ATP9A: variants seen among roughly 807,000 people sequenced by gnomAD.
ATP9A encodes the protein probable phospholipid-transporting ATPase IIA.
In ATP9A, 52 loss-of-function variants were observed where a neutral mutation model predicts 144.1. That is an observed-to-expected ratio of 0.36 (90% CI 0.29 to 0.45). The LOEUF is 0.45. Among genes scored for constraint, ATP9A ranks in the 20% least tolerant of loss-of-function variants. ATP9A has a pLI of 1.00. For synonymous variants in ATP9A, 582 were observed against 557.4 expected (o/e 1.04, Z -0.62); for missense variants, 947 against 1,392.7 (o/e 0.68, Z 5.09).
chr20:51,728,669 G>T (rs1186623225), intron 2 of ATP9A, among the ~76,000 whole-genome samples: 1 of 151,880 alleles, frequency 6.6e-6, no homozygotes, highest in Admixed American at 6.6e-5. Flanking sequence ...GGGAGGCTGA[G>T]AGAGGAGCAT....
At chr20:51,721,841 C>T (rs984725780) in intron 3 of ATP9A, among the ~76,000 whole-genome samples, 21 of 150,566 alleles carry the variant, frequency 1.4e-4, no homozygotes, top group South Asian at 4.3e-4. Flanking sequence ...AAAAACAATT[C>T]TAAAATTCAT....
chr20:51,735,978 T>C (rs972690194), intron 1 of ATP9A, among the ~76,000 whole-genome samples: 1 of 152,104 alleles, frequency 6.6e-6, no homozygotes, highest in Non-Finnish European at 1.5e-5. Flanking sequence ...AGTAAACAAC[T>C]TCCAAAGAAA....
rs114275861 is a variant in ATP9A, at chr20:51,753,712, G to C, written c.68+14590C>G. Among the ~76,000 whole-genome samples the C allele has an allele frequency of 3.6e-3, 533 of 147,602 alleles. 4 individuals carry two copies. The highest frequency in any genetic ancestry group is 0.012 in the African/African-American group (463 of 39,996). ...GACTGAGCCTCGCTCTGTCACCCAG[G>C]CTAGAGAGCAGTGGCACGATCTCGA... On this transcript the variant is annotated intron_variant, in intron 1 of 27. Coordinates refer to ENST00000338821, the MANE Select transcript of ATP9A (RefSeq NM_006045.3).
At chr20:51,717,116 G>A (rs1453905067) in intron 3 of ATP9A, among the ~76,000 whole-genome samples, 2 of 146,856 alleles carry the variant, frequency 1.4e-5, no homozygotes, top group African/African-American at 5.1e-5. Flanking sequence ...AAGTTACAGT[G>A]AGCTGAGATC....
At chr20:51,613,931 A>G in intron 22 of ATP9A, 99 bp from the exon 23 acceptor site, 1 of 1,236,068 alleles carries the variant, frequency 8.1e-7, no homozygotes, top group Non-Finnish European at 1.1e-6. Context: ...GAAATCTTTG[A>G]AGAACTTCAA....
intron 14 of ATP9A, among the ~76,000 whole-genome samples, chr20:51,655,696 C>T (rs774993680): frequency 2.1e-4 from 32 of 151,760 alleles, no homozygotes; most frequent in Non-Finnish European, 3.2e-4. Context: ...CGTAAAATAG[C>T]GCAGCCACTT....
intron 19 of ATP9A, among the ~76,000 whole-genome samples, chr20:51,621,451 T>C (rs1001625189): frequency 3.3e-5 from 5 of 152,108 alleles, no homozygotes; most frequent in Non-Finnish European, 5.9e-5. Context: ...GGGATTACTA[T>C]ATCCTGCCCC....
At position 51,608,546 on chromosome 20, in the gene ATP9A, T is replaced by C. The variant is rs1445057868; in HGVS notation, c.2717A>G (p.Tyr906Cys). 1.2e-6 allele frequency: 2 copies of C among 1,610,886 alleles called. No individual in the cohort carries two copies. The highest frequency in any genetic ancestry group is 1.7e-6 in the Non-Finnish European group (2 of 1,177,158). Residue 906 changes from tyrosine (Y) to cysteine (C), a missense_variant, in exon 25 of 28, where the codon TAT (tyrosine) becomes TGT (cysteine). Physicochemically the swap from Tyr to Cys is radical, Grantham distance 194. Coordinates refer to ENST00000338821, the MANE Select transcript of ATP9A (RefSeq NM_006045.3). ...GAGAAGATCCTTGTAGAGCTCAGGA[T>C]ACAGCATGGCAACTTCCGATTTGAC... is the stretch of plus-strand genomic sequence containing the variant. The part of the protein sequence containing the change: ...KDVKSEVAML[Y>C]PELYKDLLKG...
In ATP9A at chr20:51,624,838, T is replaced by C. The variant is rs1377030947; in HGVS notation, c.2016+354A>G. On this transcript the variant is annotated intron_variant, in intron 18 of 27. Transcript: ENST00000338821. ...CTGGCCAACATGGTGAAACCCTCTATCTACAAAAATATAAAAATTAGCCAG... is the reference window on the plus strand; with the variant it reads ...CTGGCCAACATGGTGAAACCCTCTACCTACAAAAATATAAAAATTAGCCAG... Among the ~76,000 whole-genome samples, 4 of 151,856 alleles carry C rather than the reference T, an allele frequency of 2.6e-5. No individual in the cohort carries two copies. The East Asian group carries it at 7.7e-4, about 29-fold the overall frequency.
intron 14 of ATP9A, among the ~76,000 whole-genome samples, chr20:51,651,135 G>C (rs2077362554): frequency 2.0e-5 from 2 of 98,152 alleles, no homozygotes; most frequent in Admixed American, 1.2e-4. Flanking sequence ...TTCTGTACTG[G>C]TCCTCTCTCT....
chr20:51,759,558 A>T (rs1250450313), intron 1 of ATP9A, among the ~76,000 whole-genome samples: 1 of 152,034 alleles, frequency 6.6e-6, no homozygotes, highest in Non-Finnish European at 1.5e-5. Flanking sequence ...CTGTAATCCC[A>T]TGTACTCAGG....
chr20:51,767,534 C>G (rs2077910554), intron 1 of ATP9A, among the ~76,000 whole-genome samples: 1 of 152,208 alleles, frequency 6.6e-6, no homozygotes, highest in Non-Finnish European at 1.5e-5. Flanking sequence ...CCCGTCCCCT[C>G]TTCCCAAATG....
intron 15 of ATP9A, 64 bp downstream of exon 15, chr20:51,639,279 C>G (rs1294645815): frequency 1.4e-5 from 21 of 1,498,004 alleles, no homozygotes; most frequent in Non-Finnish European, 1.8e-5. Context: ...TGTCAACCCA[C>G]AGGGACACAC....
intron 3 of ATP9A, among the ~76,000 whole-genome samples, chr20:51,716,568 G>A (rs1471374918): frequency 6.6e-6 from 1 of 151,850 alleles, no homozygotes; most frequent in East Asian, 1.9e-4. Flanking sequence ...CAGGAGGATT[G>A]TCTGAGCCCA....
At chr20:51,720,466 C>A (rs1286267147) in intron 3 of ATP9A, among the ~76,000 whole-genome samples, 1 of 152,176 alleles carries the variant, frequency 6.6e-6, no homozygotes, top group African/African-American at 2.4e-5. Flanking sequence ...GAGTAGCCGA[C>A]AGGAGCTTCT....
Position 51,618,869 on chromosome 20 carries a change from G to A in ATP9A, c.2206-63C>T, listed in dbSNP as rs569808843. The stretch of plus-strand genomic sequence containing the variant: ...GAGAGGTGGTGCGTTGGTGGAGGTC[G>A]CTGCCGAGCCTGCAGTGCCCCTGCC... On this transcript the variant is annotated intron_variant, in intron 20 of 27. Coordinates refer to ENST00000338821, the MANE Select transcript of ATP9A (RefSeq NM_006045.3). 9.3e-4 allele frequency: 1,478 copies of A among 1,583,646 alleles called. 13 individuals are homozygous for A. The Middle Eastern group carries it at 0.011, about 12-fold the overall frequency.
chr20:51,605,124 G>A (rs1335028645), intron 26 of ATP9A, 104 bp from the exon 27 acceptor site: 1 of 990,546 alleles, frequency 1.0e-6, no homozygotes, highest in Non-Finnish European at 1.4e-6. Context: ...AGACATGAAA[G>A]GCATCACTTG....
chr20:51,755,959 A>G (rs1601147449), intron 1 of ATP9A, among the ~76,000 whole-genome samples: 1 of 97,254 alleles, frequency 1.0e-5, no homozygotes, highest in African/African-American at 3.5e-5. Flanking sequence ...CATCTCAAAG[A>G]AAAAAAAAAA....
chr20:51,621,634 T>C (rs2077227303), intron 19 of ATP9A, among the ~76,000 whole-genome samples: 1 of 152,212 alleles, frequency 6.6e-6, no homozygotes, highest in South Asian at 2.1e-4. Flanking sequence ...TGGTCCTAAA[T>C]GCTTCCCCTC....
Sources: allele counts gnomAD v4.1 joint callset (sites outside exome capture counted in the v4.1 genomes callset), GRCh38; gene constraint gnomAD v4.1.1; transcripts MANE v1.5; gene names NCBI Gene and HGNC (gene_info 2026-07-23, HGNC 2026-07-21).